The following EFNA3 variants were observed in gnomAD, a reference collection of about 807,000 sequenced individuals.
EFNA3 encodes ephrin-A3.
Under a neutral mutation model 25.0 loss-of-function variants are expected in EFNA3, and 15 were observed. The observed-to-expected ratio is 0.60, with a 90% confidence interval of 0.40 to 0.92. The LOEUF (loss-of-function observed/expected upper bound fraction) is 0.92, where lower values mean the gene tolerates loss of function less well. EFNA3 is among the 40% of genes least tolerant of loss of function. EFNA3 has a pLI of 0.00. For missense variants in EFNA3, 298 were observed against 323.8 expected, an observed-to-expected ratio of 0.92 and a Z score of 0.61; for synonymous variants, 153 against 145.6, an observed-to-expected ratio of 1.05 and a Z score of -0.37.
In EFNA3 at chr1:155,086,399, T is replaced by TC; in HGVS notation, c.587-12dup. 6.2e-7 allele frequency: 1 copy of TC among 1,613,638 alleles called. No homozygotes were observed. Among genetic ancestry groups the TC allele is most frequent in the Non-Finnish European group, 8.5e-7 (1 of 1,179,706 alleles). On this transcript the variant is annotated splice_polypyrimidine_tract_variant and intron_variant, in intron 4 of 4. Coordinates refer to ENST00000368408, the MANE Select transcript of EFNA3 (RefSeq NM_004952.5). ...ACCCAGCCCTCACCAGTCTGTCTGT[T>TC]CCTCTGTCCACAGAAGACTTTGAGG...
chr1:155,079,374 C>T lies in EFNA3; in HGVS notation c.128+305C>T, dbSNP rs1663299812. On this transcript the variant is annotated intron_variant, in intron 1 of 4. Transcript: ENST00000368408. This position sits in a 1 kb window ranked among gnomAD's most constrained non-coding sequence, Gnocchi z 7.7. Reference sequence around the variant, plus strand: ...AATAGCATGCCCCTGTCCCATAGTCCCACCAGTTGGGCTGGGGTTTGGGGG... The same window carrying T: ...AATAGCATGCCCCTGTCCCATAGTCTCACCAGTTGGGCTGGGGTTTGGGGG... Among the ~76,000 whole-genome samples, 1 of 152,160 alleles carries T rather than the reference C, an allele frequency of 6.6e-6. No individual in the cohort carries two copies. The highest frequency in any genetic ancestry group is 1.5e-5 in the Non-Finnish European group (1 of 68,028).
chr1:155,081,573 T>C lies in EFNA3; in HGVS notation c.128+2504T>C, dbSNP rs1293095046. On this transcript the variant is annotated intron_variant, in intron 1 of 4. Transcript: ENST00000368408. This position sits in a 1 kb window ranked among gnomAD's most constrained non-coding sequence, Gnocchi z 5.2. ...ATTCAACAAATATTTATTGAGGCTC[T>C]ACTACGTCCCTGATGGTCTTTCTCT... Among the ~76,000 whole-genome samples the C allele has an allele frequency of 1.3e-5, 2 of 152,228 alleles. No homozygotes were observed. Among genetic ancestry groups the C allele is most frequent in the Non-Finnish European group, 2.9e-5 (2 of 68,038 alleles).
chr1:155,084,791 T>C (rs1013842058), intron 1 of EFNA3, among the ~76,000 whole-genome samples: 2 of 152,182 alleles, frequency 1.3e-5, no homozygotes, highest in African/African-American at 4.8e-5. Flanking sequence ...CGTTCCCTTC[T>C]TCCCTCCGCC....
At position 155,081,133 on chromosome 1, in the gene EFNA3, G is replaced by A; in HGVS notation, c.128+2064G>A. Reference sequence around the variant, plus strand: ...GGGTCTTGCGACCCCGCCTCCTGGGGGGGTCACGTGCGTCGGCCTCCTTTG... The same window carrying A: ...GGGTCTTGCGACCCCGCCTCCTGGGAGGGTCACGTGCGTCGGCCTCCTTTG... On this transcript the variant is annotated intron_variant, in intron 1 of 4. Coordinates refer to ENST00000368408, the MANE Select transcript of EFNA3 (RefSeq NM_004952.5). This position sits in a 1 kb window ranked among gnomAD's most constrained non-coding sequence, Gnocchi z 5.2. 6.6e-6 allele frequency among the ~76,000 whole-genome samples: 1 copy of A among 152,194 alleles called. No individual in the cohort carries two copies.
Position 155,078,892 on chromosome 1 carries a change from C to A in EFNA3, c.-50C>A. ...AGCAGGGAGCTGGGAAGCGGAGAAG[C>A]CGGGAGCGCGGGGCTCAGTCGGGGG... On this transcript the variant is annotated 5_prime_UTR_variant, in exon 1 of 5. Coordinates refer to ENST00000368408, the MANE Select transcript of EFNA3 (RefSeq NM_004952.5). 1 of 1,341,718 alleles carries A rather than the reference C, an allele frequency of 7.5e-7. No individual in the cohort carries two copies. Among genetic ancestry groups the A allele is most frequent in the Non-Finnish European group, 9.5e-7 (1 of 1,048,598 alleles). 83.1% of individuals were successfully genotyped at this position (1,341,718 alleles called of 1,614,324 possible). A position where few individuals can be genotyped will look rare whatever the true frequency, so the allele number is the denominator to read the frequency against.
intron 1 of EFNA3, among the ~76,000 whole-genome samples, chr1:155,084,785 C>T (rs894978203): frequency 2.6e-5 from 4 of 152,254 alleles, no homozygotes; most frequent in Non-Finnish European, 5.9e-5. Flanking sequence ...AGCGTACGTT[C>T]CCTTCTTCCC....
In EFNA3 at chr1:155,085,497, G is replaced by T; in HGVS notation, c.442+93G>T. On this transcript the variant is annotated intron_variant, in intron 2 of 4. Transcript: ENST00000368408. This position sits in a 1 kb window ranked among gnomAD's most constrained non-coding sequence, Gnocchi z 4.4. The stretch of plus-strand genomic sequence containing the variant: ...CCCTAGGCTCCGGGGCGGGGCCGGC[G>T]CGGCGGGCGCCAGGTCTCGCGGCTG... 7.1e-7 allele frequency: 1 copy of T among 1,413,068 alleles called. No homozygotes were observed. The highest frequency in any genetic ancestry group is 1.5e-5 in the South Asian group (1 of 67,442). The allele number at this position is 1,413,068 out of a possible 1,614,324, so 87.5% of individuals were successfully genotyped here.
rs1341759184 is a variant in EFNA3, at chr1:155,079,788, C to G, written c.128+719C>G. 1.3e-5 allele frequency among the ~76,000 whole-genome samples: 2 copies of G among 151,748 alleles called. No homozygotes were observed. Among genetic ancestry groups the G allele is most frequent in the Non-Finnish European group, 2.9e-5 (2 of 67,946 alleles). On this transcript the variant is annotated intron_variant, in intron 1 of 4. Coordinates refer to ENST00000368408, the MANE Select transcript of EFNA3 (RefSeq NM_004952.5). This position sits in a 1 kb window ranked among gnomAD's most constrained non-coding sequence, Gnocchi z 7.7. ...GCGGGCGTGCGCGGCTGTCAGTGTG[C>G]GTGTGTGTCTGAGTGTGTGATTTGT...
Position 155,085,303 on chromosome 1 carries a change from A to G in EFNA3, c.341A>G (p.His114Arg), listed in dbSNP as rs1375189007. 2 of 1,612,888 alleles carry G rather than the reference A, an allele frequency of 1.2e-6. No individual in the cohort carries two copies. The highest frequency in any genetic ancestry group is 1.7e-6 in the Non-Finnish European group (2 of 1,179,588). Residue 114 changes from histidine to arginine, a missense_variant, in exon 2 of 5, where the codon CAC (histidine) becomes CGC (arginine). Transcript: ENST00000368408. The surrounding 1 kb of genome is among the most constrained non-coding windows in gnomAD (Gnocchi z 4.4). Reference protein sequence around the residue: ...GFKRWECNRPHAPHSPIKFSE... With the variant: ...GFKRWECNRPRAPHSPIKFSE... ...AAGCGCTGGGAGTGCAACCGGCCGC[A>G]CGCCCCGCACAGCCCCATCAAGTTC...
chr1:155,086,150 G>C lies in EFNA3; in HGVS notation c.531G>C (p.Pro177=). 1.4e-6 allele frequency: 2 copies of C among 1,426,306 alleles called. No individual in the cohort carries two copies. The highest frequency in any genetic ancestry group is 1.9e-6 in the Non-Finnish European group (2 of 1,060,364). The allele number at this position is 1,426,306 out of a possible 1,614,324, so 88.4% of individuals were successfully genotyped here. A position where few individuals can be genotyped will look rare whatever the true frequency, so the allele number is the denominator to read the frequency against. The part of the protein sequence containing the change: ...CASTSHSGEK[P]VPTLPQFTMG... ...CAGCATCGCACTCCGGGGAGAAGCC[G>C]GTCCCCACTCTCCCCCAGTTCACCA... Residue 177 remains proline (P), a synonymous_variant, in exon 4 of 5, where the codon CCG becomes CCC. Transcript: ENST00000368408.
Position 155,085,473 on chromosome 1 carries a change from C to T in EFNA3, c.442+69C>T, listed in dbSNP as rs1344378870. 1 of 1,450,150 alleles carries T rather than the reference C, an allele frequency of 6.9e-7. No individual in the cohort carries two copies. Among genetic ancestry groups the T allele is most frequent in the Non-Finnish European group, 9.1e-7 (1 of 1,095,916 alleles). 89.8% of individuals were successfully genotyped at this position (1,450,150 alleles called of 1,614,324 possible). ...TGAGTGACAGCCGGGGGGTGGAGCC[C>T]CTAGGCTCCGGGGCGGGGCCGGCGC... On this transcript the variant is annotated intron_variant, in intron 2 of 4. Coordinates refer to ENST00000368408, the MANE Select transcript of EFNA3 (RefSeq NM_004952.5). The surrounding 1 kb of genome is among the most constrained non-coding windows in gnomAD (Gnocchi z 4.4).
rs1007207876 is a variant in EFNA3, at chr1:155,080,658, C to A, written c.128+1589C>A. 5.3e-5 allele frequency among the ~76,000 whole-genome samples: 8 copies of A among 152,148 alleles called. No individual in the cohort carries two copies. Among genetic ancestry groups the A allele is most frequent in the Non-Finnish European group, 1.0e-4 (7 of 67,988 alleles). On this transcript the variant is annotated intron_variant, in intron 1 of 4. Transcript: ENST00000368408. This position sits in a 1 kb window ranked among gnomAD's most constrained non-coding sequence, Gnocchi z 7.0. ...GGGGAAGCCAGAGCCGGGGAGGATG[C>A]GGGAATAGGTTTGGTGGGGGGAGGT... is the stretch of plus-strand genomic sequence containing the variant.
At chr1:155,086,044 G>A (rs1200050539) in intron 3 of EFNA3, 84 bp from the exon 4 acceptor site, 4 of 1,571,174 alleles carry the variant, frequency 2.5e-6, no homozygotes, top group Non-Finnish European at 2.6e-6. Context: ...GGTGAGGGGG[G>A]CTTGCTCCCC....
At position 155,085,005 on chromosome 1, in the gene EFNA3, C is replaced by G; in HGVS notation, c.129-86C>G. ...GGAAAAGTCGGAAGGCTACGCGGAC[C>G]CTGGGGAGGGGCTGCGGAGCGGTCA... is the stretch of plus-strand genomic sequence containing the variant. On this transcript the variant is annotated intron_variant, in intron 1 of 4. Transcript: ENST00000368408. This position sits in a 1 kb window ranked among gnomAD's most constrained non-coding sequence, Gnocchi z 4.4. The G allele has an allele frequency of 2.7e-6, 4 of 1,484,732 alleles. No individual in the cohort carries two copies. The highest frequency in any genetic ancestry group is 3.7e-6 in the Non-Finnish European group (4 of 1,082,006). The allele number at this position is 1,484,732 out of a possible 1,614,324, so 92.0% of individuals were successfully genotyped here.
In EFNA3 at chr1:155,078,849, G is replaced by C. The variant is rs1296629855; in HGVS notation, c.-93G>C. On this transcript the variant is annotated 5_prime_UTR_variant, in exon 1 of 5. Coordinates refer to ENST00000368408, the MANE Select transcript of EFNA3 (RefSeq NM_004952.5). ...GGGCTGGGGGCGTGGCCTAAGGCTG[G>C]GGGCCGACGGCGGCGGCAGCAGGGA... is the stretch of plus-strand genomic sequence containing the variant. 1 of 1,294,270 alleles carries C rather than the reference G, an allele frequency of 7.7e-7. No homozygotes were observed. The highest frequency in any genetic ancestry group is 1.6e-5 in the African/African-American group (1 of 63,814). 80.2% of individuals were successfully genotyped at this position (1,294,270 alleles called of 1,614,324 possible). A position where few individuals can be genotyped will look rare whatever the true frequency, so the allele number is the denominator to read the frequency against.
rs1663488322 is a variant in EFNA3 at position 155,087,103 on chromosome 1, G to A, written c.*560G>A. 2 of 157,748 alleles carry A rather than the reference G, an allele frequency of 1.3e-5. No individual in the cohort carries two copies. Among genetic ancestry groups the A allele is most frequent in the African/African-American group, 4.8e-5 (2 of 41,484 alleles). The allele number at this position is 157,748 out of a possible 1,614,324, so 9.8% of individuals were successfully genotyped here. ...AAGTTTACAAGTAGACACCCCTGGG[G>A]GGGCGGGCAGTGGACAAGGATGGCA... On this transcript the variant is annotated 3_prime_UTR_variant, in exon 5 of 5. Coordinates refer to ENST00000368408, the MANE Select transcript of EFNA3 (RefSeq NM_004952.5).
Position 155,085,465 on chromosome 1 carries a change from G to A in EFNA3, c.442+61G>A. 6.8e-7 allele frequency: 1 copy of A among 1,466,282 alleles called. No homozygotes were observed. The allele number at this position is 1,466,282 out of a possible 1,614,324, so 90.8% of individuals were successfully genotyped here. A position where few individuals can be genotyped will look rare whatever the true frequency, so the allele number is the denominator to read the frequency against. ...CGAGAGTCTGAGTGACAGCCGGGGG[G>A]TGGAGCCCCTAGGCTCCGGGGCGGG... On this transcript the variant is annotated intron_variant, in intron 2 of 4. Coordinates refer to ENST00000368408, the MANE Select transcript of EFNA3 (RefSeq NM_004952.5). The surrounding 1 kb of genome is among the most constrained non-coding windows in gnomAD (Gnocchi z 4.4).
In EFNA3 at chr1:155,085,704, G is replaced by C; in HGVS notation, c.443-173G>C. The C allele has an allele frequency of 1.3e-6, 1 of 758,544 alleles. No homozygotes were observed. The highest frequency in any genetic ancestry group is 1.8e-5 in the South Asian group (1 of 54,728). The allele number at this position is 758,544 out of a possible 1,614,324, so 47.0% of individuals were successfully genotyped here. A position where few individuals can be genotyped will look rare whatever the true frequency, so the allele number is the denominator to read the frequency against. On this transcript the variant is annotated intron_variant, in intron 2 of 4. Transcript: ENST00000368408. This position sits in a 1 kb window ranked among gnomAD's most constrained non-coding sequence, Gnocchi z 4.4. ...CAGTTTCTTGAGGGGTGGGACCAAA[G>C]GGGCGTCTAGGGCCGACGGCAGAGC...
In EFNA3 at chr1:155,080,968, G is replaced by C. The variant is rs567904860; in HGVS notation, c.128+1899G>C. ...GCGACGTGCTCCGGAGCCGAGAATGGAGAGGGCCGGGGAGCTGGGGGCGGG... is the reference window on the plus strand; with the variant it reads ...GCGACGTGCTCCGGAGCCGAGAATGCAGAGGGCCGGGGAGCTGGGGGCGGG... On this transcript the variant is annotated intron_variant, in intron 1 of 4. Coordinates refer to ENST00000368408, the MANE Select transcript of EFNA3 (RefSeq NM_004952.5). This position sits in a 1 kb window ranked among gnomAD's most constrained non-coding sequence, Gnocchi z 7.0. 4.0e-4 allele frequency among the ~76,000 whole-genome samples: 61 copies of C among 152,234 alleles called. No homozygotes were observed. The highest frequency in any genetic ancestry group is 1.0e-3 in the African/African-American group (43 of 41,560).
Sources: allele counts gnomAD v4.1 joint callset (sites outside exome capture counted in the v4.1 genomes callset), GRCh38; gene constraint gnomAD v4.1.1; non-coding constraint Gnocchi (gnomAD v3.1); transcripts MANE v1.5; gene names NCBI Gene and HGNC (gene_info 2026-07-23, HGNC 2026-07-21).